Variants in TRAF7 observed in about 807,000 individuals in gnomAD.
TRAF7 encodes E3 ubiquitin-protein ligase TRAF7.
TRAF7 carries 45 observed loss-of-function variants against 89.3 expected under a neutral mutation model. That is an observed-to-expected ratio of 0.50 (90% CI 0.40 to 0.65). The LOEUF is 0.65. Among genes scored for constraint, TRAF7 ranks in the 30% least tolerant of loss-of-function variants. TRAF7 has a pLI of 0.00. For missense variants in TRAF7, 677 were observed against 918.1 expected, an observed-to-expected ratio of 0.74 and a Z score of 3.39; for synonymous variants, 406 against 369.2, an observed-to-expected ratio of 1.10 and a Z score of -1.14.
chr16:2,166,103 G>C (rs994483102), intron 3 of TRAF7, among the ~76,000 whole-genome samples, 167 bp downstream of exon 3: 1 of 152,214 alleles, frequency 6.6e-6, no homozygotes. Flanking sequence ...TCTCAGCCCT[G>C]GGCCTCCCCA....
intron 14 of TRAF7, 97 bp downstream of exon 14, chr16:2,174,430 C>A: frequency 1.6e-6 from 2 of 1,230,598 alleles, no homozygotes; most frequent in Non-Finnish European, 2.3e-6. Flanking sequence ...GCCTGTGTAG[C>A]TATGTGTGTG....
rs1363581074 is a variant in TRAF7 at position 2,176,180 on chromosome 16, G to A, written c.1878G>A (p.Arg626=). The A allele has an allele frequency of 6.2e-7, 1 of 1,605,058 alleles. No homozygotes were observed. Among genetic ancestry groups the A allele is most frequent in the African/African-American group, 1.3e-5 (1 of 74,908 alleles). The stretch of plus-strand genomic sequence containing the variant: ...GTGCATCCTACGACCGGTCCCTCAG[G>A]GTGCGTGCTGGCCCAGCGGTGGCAG... ...VFSASYDRSL[R]VWSMDNMICT... Residue 626 remains arginine (R), a splice_region_variant and synonymous_variant, in exon 19 of 21, where the codon AGG becomes AGA. Transcript: ENST00000326181.
Position 2,158,768 on chromosome 16 carries a change from C to CG in TRAF7, c.-39+2923dup, listed in dbSNP as rs71148123. Among the ~76,000 whole-genome samples, 6,407 of 50,584 alleles carry CG rather than the reference C, an allele frequency of 0.13. 503 individuals carry two copies. Among genetic ancestry groups the CG allele is most frequent in the East Asian group, 0.27 (535 of 1,950 alleles). The allele number at this position is 50,584 out of a possible 152,430, so 33.2% of individuals were successfully genotyped here. A position where few individuals can be genotyped will look rare whatever the true frequency, so the allele number is the denominator to read the frequency against. ...GTGGGACTGGGAAGCGTGGGCTCGG[C>CG]GGGGGGGGGGGGGACACTGCCACCC... On this transcript the variant is annotated intron_variant, in intron 1 of 20. Coordinates refer to ENST00000326181, the MANE Select transcript of TRAF7 (RefSeq NM_032271.3). This position sits in a 1 kb window ranked among gnomAD's most constrained non-coding sequence, Gnocchi z 4.7.
In TRAF7 at chr16:2,174,021, C is replaced by T. The variant is rs199701608; in HGVS notation, c.1236C>T (p.Phe412=). Residue 412 remains phenylalanine (F), a synonymous_variant, in exon 13 of 21, where the codon TTC becomes TTT. Coordinates refer to ENST00000326181, the MANE Select transcript of TRAF7 (RefSeq NM_032271.3). ...TCTACTCCATGGGTGACCTGCTCTT[C>T]AGTGGCTCCTCTGACAAGACCATCA... ...LCVYSMGDLL[F]SGSSDKTIKV... is the part of the protein sequence containing the mutation. 1.2e-6 allele frequency: 2 copies of T among 1,613,654 alleles called. No individual in the cohort carries two copies. The highest frequency in any genetic ancestry group is 1.7e-5 in the Admixed American group (1 of 60,034).
Position 2,168,663 on chromosome 16 carries a change from G to T in TRAF7, c.231+495G>T. 1 of 156,696 alleles carries T rather than the reference G, an allele frequency of 6.4e-6. No homozygotes were observed. The highest frequency in any genetic ancestry group is 1.4e-5 in the Non-Finnish European group (1 of 71,174). The allele number at this position is 156,696 out of a possible 1,614,324, so 9.7% of individuals were successfully genotyped here. A position where few individuals can be genotyped will look rare whatever the true frequency, so the allele number is the denominator to read the frequency against. On this transcript the variant is annotated intron_variant, in intron 4 of 20. Coordinates refer to ENST00000326181, the MANE Select transcript of TRAF7 (RefSeq NM_032271.3). This position sits in a 1 kb window ranked among gnomAD's most constrained non-coding sequence, Gnocchi z 4.1. ...GTGGGGGTTGCGGAACCTGCGCCAA[G>T]TGCTGGGGGAGCCGGAGAATTCCCT...
chr16:2,164,165 C>CGT (rs1212089373), intron 2 of TRAF7, among the ~76,000 whole-genome samples, 164 bp downstream of exon 2: 28 of 88,524 alleles, frequency 3.2e-4, no homozygotes, highest in Non-Finnish European at 6.2e-4. Flanking sequence ...TGTGTGCGCG[C>CGT]GCGCGCGCGC....
Position 2,159,735 on chromosome 16 carries a change from C to T in TRAF7, c.-39+3877C>T, listed in dbSNP as rs2093049853. 6.6e-6 allele frequency among the ~76,000 whole-genome samples: 1 copy of T among 152,194 alleles called. No individual in the cohort carries two copies. Among genetic ancestry groups the T allele is most frequent in the Admixed American group, 6.5e-5 (1 of 15,292 alleles). ...CCTCCCAGGGCAGTTGCAGGCCTCACAGGCACACCCACCCATGGCTTGCGC... is the reference window on the plus strand; with the variant it reads ...CCTCCCAGGGCAGTTGCAGGCCTCATAGGCACACCCACCCATGGCTTGCGC... On this transcript the variant is annotated intron_variant, in intron 1 of 20. Transcript: ENST00000326181. The surrounding 1 kb of genome is among the most constrained non-coding windows in gnomAD (Gnocchi z 6.5).
Position 2,177,356 on chromosome 16 carries a change from G to C in TRAF7, c.*782G>C, listed in dbSNP as rs1245763208. 4 of 233,784 alleles carry C rather than the reference G, an allele frequency of 1.7e-5. No homozygotes were observed. The highest frequency in any genetic ancestry group is 3.4e-5 in the Non-Finnish European group (4 of 118,394). 14.5% of individuals were successfully genotyped at this position (233,784 alleles called of 1,614,324 possible). A position where few individuals can be genotyped will look rare whatever the true frequency, so the allele number is the denominator to read the frequency against. Reference sequence around the variant, plus strand: ...AGCAGGAAGGGGCCCTGCACGCCGGGACGCCACCTCCGCCAGCCGCCTCCA... The same window carrying C: ...AGCAGGAAGGGGCCCTGCACGCCGGCACGCCACCTCCGCCAGCCGCCTCCA... On this transcript the variant is annotated 3_prime_UTR_variant, in exon 21 of 21. Coordinates refer to ENST00000326181, the MANE Select transcript of TRAF7 (RefSeq NM_032271.3).
rs1418234198 is a variant in TRAF7, at chr16:2,158,034, A to C, written c.-39+2176A>C. Among the ~76,000 whole-genome samples the C allele has an allele frequency of 1.3e-5, 2 of 152,142 alleles. No individual in the cohort carries two copies. Among genetic ancestry groups the C allele is most frequent in the African/African-American group, 2.4e-5 (1 of 41,410 alleles). ...CCAGGAGGGCAGGTACACAGCTGTG[A>C]AGTGGTAGAAGTGGACTTTGAACCC... is the stretch of plus-strand genomic sequence containing the variant. On this transcript the variant is annotated intron_variant, in intron 1 of 20. Coordinates refer to ENST00000326181, the MANE Select transcript of TRAF7 (RefSeq NM_032271.3). The surrounding 1 kb of genome is among the most constrained non-coding windows in gnomAD (Gnocchi z 4.7).
rs2093063008 is a variant in TRAF7, at chr16:2,162,794, T to C, written c.-38-1089T>C. 6.6e-6 allele frequency among the ~76,000 whole-genome samples: 1 copy of C among 152,030 alleles called. No homozygotes were observed. The highest frequency in any genetic ancestry group is 2.1e-4 in the South Asian group (1 of 4,832). On this transcript the variant is annotated intron_variant, in intron 1 of 20. Coordinates refer to ENST00000326181, the MANE Select transcript of TRAF7 (RefSeq NM_032271.3). The surrounding 1 kb of genome is among the most constrained non-coding windows in gnomAD (Gnocchi z 5.0). ...GGCAGGAGTCCTGGGCACGTGGCCT[T>C]CCTCCCCACAGGGAGCTCAGCTTCA...
Position 2,173,835 on chromosome 16 carries a change from C to T in TRAF7, c.1134C>T (p.Gly378=). 2 of 1,611,204 alleles carry T rather than the reference C, an allele frequency of 1.2e-6. No individual in the cohort carries two copies. Among genetic ancestry groups the T allele is most frequent in the Non-Finnish European group, 1.7e-6 (2 of 1,179,890 alleles). ...INARLNMGIL[G]SYDPQQIFKC... ...CGCGGCTGAACATGGGCATCCTAGGCTGTGAGTATGGACCCGCCGTGGCTC... is the reference window on the plus strand; with the variant it reads ...CGCGGCTGAACATGGGCATCCTAGGTTGTGAGTATGGACCCGCCGTGGCTC... Residue 378 remains glycine (G), a splice_region_variant and synonymous_variant, in exon 12 of 21, where the codon GGC becomes GGT. Coordinates refer to ENST00000326181, the MANE Select transcript of TRAF7 (RefSeq NM_032271.3).
intron 13 of TRAF7, 64 bp downstream of exon 13, chr16:2,174,112 ACTGC>A: frequency 6.2e-7 from 1 of 1,605,884 alleles, no homozygotes. Context: ...CATGCCTGGC[ACTGC>A]CAGCCTGCCT....
Position 2,161,944 on chromosome 16 carries a change from C to T in TRAF7, c.-38-1939C>T, listed in dbSNP as rs944554239. 2.6e-5 allele frequency among the ~76,000 whole-genome samples: 4 copies of T among 152,218 alleles called. No individual in the cohort carries two copies. Among genetic ancestry groups the T allele is most frequent in the Admixed American group, 2.0e-4 (3 of 15,288 alleles). ...GGCTGCAGGTGTGTGGCACTGCCCA[C>T]ACTCAGGAGCCCCTGCCTCTTCCAC... is the stretch of plus-strand genomic sequence containing the variant. On this transcript the variant is annotated intron_variant, in intron 1 of 20. Coordinates refer to ENST00000326181, the MANE Select transcript of TRAF7 (RefSeq NM_032271.3). This position sits in a 1 kb window ranked among gnomAD's most constrained non-coding sequence, Gnocchi z 5.2.
intron 2 of TRAF7, among the ~76,000 whole-genome samples, chr16:2,164,477 G>T (rs2093073872): frequency 7.1e-6 from 1 of 141,632 alleles, no homozygotes; most frequent in African/African-American, 2.7e-5. Flanking sequence ...GCCTGGCCTG[G>T]TCGCATGGTT....
At chr16:2,164,153 TGTGTGTGCGCGCGCGC>T (rs990279396) in intron 2 of TRAF7, 152 bp downstream of exon 2, 6 of 553,522 alleles carry the variant, frequency 1.1e-5, no homozygotes, top group African/African-American at 2.3e-5. Flanking sequence ...TGTGTGTGTG[TGTGTGTGCGCGCGCGC>T]GCGCGCGCGC....
rs1247595182 is a variant in TRAF7, at chr16:2,177,603, TG to T, written c.*1031del. On this transcript the variant is annotated 3_prime_UTR_variant, in exon 21 of 21. Coordinates refer to ENST00000326181, the MANE Select transcript of TRAF7 (RefSeq NM_032271.3). ...AGCGTCCGTGGGAACTCCACTGGGG[TG>T]GATGGGCTGCCTGCACAGCCCCTGG... The T allele has an allele frequency of 4.3e-6, 1 of 234,752 alleles. No homozygotes were observed. Among genetic ancestry groups the T allele is most frequent in the African/African-American group, 2.2e-5 (1 of 44,906 alleles). The allele number at this position is 234,752 out of a possible 1,614,324, so 14.5% of individuals were successfully genotyped here. A position where few individuals can be genotyped will look rare whatever the true frequency, so the allele number is the denominator to read the frequency against.
At chr16:2,170,543 C>G (rs543138465) in intron 4 of TRAF7, 71 bp from the exon 5 acceptor site, 40 of 1,220,138 alleles carry the variant, frequency 3.3e-5, no homozygotes, top group Non-Finnish European at 4.4e-5. Flanking sequence ...TTCCGCCGGG[C>G]TGGGTCCTGT....
chr16:2,170,616 C>T lies in TRAF7; in HGVS notation c.234C>T (p.Pro78=), dbSNP rs761833319. ...YSPRDEEDSM[P]PISTPRRSDS... is the part of the protein sequence containing the mutation. ...CAGGCGCCTCTCCCTCCACACAGCC[C>T]CCCATCAGCACTCCCCGCCGCTCCG... Residue 78 remains proline, a splice_region_variant and synonymous_variant, in exon 5 of 21, where the codon CCC becomes CCT. Coordinates refer to ENST00000326181, the MANE Select transcript of TRAF7 (RefSeq NM_032271.3). 1.2e-6 allele frequency: 2 copies of T among 1,608,968 alleles called. No homozygotes were observed. Among genetic ancestry groups the T allele is most frequent in the South Asian group, 2.2e-5 (2 of 90,272 alleles).
intron 1 of TRAF7, among the ~76,000 whole-genome samples, chr16:2,156,112 C>T (rs1188132211): frequency 6.6e-6 from 1 of 152,174 alleles, no homozygotes; most frequent in African/African-American, 2.4e-5. Context: ...ATTCCTTCTT[C>T]CTGCATTCCC....
Sources: allele counts gnomAD v4.1 joint callset (sites outside exome capture counted in the v4.1 genomes callset), GRCh38; gene constraint gnomAD v4.1.1; non-coding constraint Gnocchi (gnomAD v3.1); transcripts MANE v1.5; gene names NCBI Gene and HGNC (gene_info 2026-07-23, HGNC 2026-07-21).